Variants in LRRC36 observed in about 807,000 individuals in gnomAD.
The protein encoded by LRRC36 is leucine rich repeat containing 36.
LRRC36 carries 62 observed loss-of-function variants against 81.1 expected under a neutral mutation model. The observed-to-expected ratio is 0.76, with a 90% CI of 0.62 to 0.94. The LOEUF is 0.94. Ranked by LOEUF, LRRC36 falls within the 40% of genes least tolerant of loss-of-function variation. The pLI, the probability that LRRC36 is intolerant of heterozygous loss-of-function variation, is 0.00. For missense variants in LRRC36, 761 were observed against 881.7 expected (o/e 0.86, Z 1.73); for synonymous variants, 334 against 348.6 (o/e 0.96, Z 0.47).
At chr16:67,344,160 T>G (rs1393857284) in intron 2 of LRRC36, among the ~76,000 whole-genome samples, 4 of 152,206 alleles carry the variant, frequency 2.6e-5, no homozygotes, top group Admixed American at 2.6e-4. Flanking sequence ...CTGAATCCCT[T>G]TGTTTAATTT....
At chr16:67,357,588 T>C (rs2038957679) in intron 5 of LRRC36, among the ~76,000 whole-genome samples, 1 of 152,248 alleles carries the variant, frequency 6.6e-6, no homozygotes, top group Non-Finnish European at 1.5e-5. Context: ...TGTCCCTTAC[T>C]AGGCTGAAAT....
intron 1 of LRRC36, 28 bp downstream of exon 1, chr16:67,326,960 T>G: frequency 6.7e-7 from 1 of 1,484,334 alleles, no homozygotes; most frequent in Non-Finnish European, 8.8e-7. Flanking sequence ...GGGTGTGGAC[T>G]GGGAACGTAG....
chr16:67,376,972 T>C lies in LRRC36; in HGVS notation c.1806+100T>C, dbSNP rs532749742. ...TCACCGTGAACACCTAACCAAAATA[T>C]GGCAAAAGTCTGGGCACAGCAGGAA... is the stretch of plus-strand genomic sequence containing the variant. On this transcript the variant is annotated intron_variant, in intron 11 of 13. Transcript: ENST00000329956. 3.4e-5 allele frequency: 45 copies of C among 1,306,498 alleles called. No individual in the cohort carries two copies. In the East Asian group the frequency reaches 1.0e-3, roughly 30 times the overall value. 80.9% of individuals were successfully genotyped at this position (1,306,498 alleles called of 1,614,324 possible). A position where few individuals can be genotyped will look rare whatever the true frequency, so the allele number is the denominator to read the frequency against.
chr16:67,335,074 G>A (rs372787486), intron 1 of LRRC36, among the ~76,000 whole-genome samples: 3 of 152,132 alleles, frequency 2.0e-5, no homozygotes, highest in South Asian at 2.1e-4. Flanking sequence ...TTTCAGGCAC[G>A]CATTGTCATT....
At chr16:67,365,041 G>A (rs2039319644) in intron 6 of LRRC36, 1 of 361,362 alleles carries the variant, frequency 2.8e-6, no homozygotes, top group Non-Finnish European at 5.0e-6. Context: ...TACCTTCTAT[G>A]AGCTATCTAA....
At chr16:67,330,406 C>G (rs187653953) in intron 1 of LRRC36, among the ~76,000 whole-genome samples, 2 of 152,116 alleles carry the variant, frequency 1.3e-5, no homozygotes, top group East Asian at 3.9e-4. Context: ...TTTGCTTATC[C>G]TGAGGTACAG....
intron 1 of LRRC36, among the ~76,000 whole-genome samples, chr16:67,339,491 G>A (rs1238534173): frequency 6.6e-6 from 1 of 152,010 alleles, no homozygotes; most frequent in Non-Finnish European, 1.5e-5. Flanking sequence ...AATTTTAGGG[G>A]TATTATTCTG....
chr16:67,341,738 T>C (rs192454781), intron 1 of LRRC36, among the ~76,000 whole-genome samples: 1 of 152,230 alleles, frequency 6.6e-6, no homozygotes, highest in South Asian at 2.1e-4. Context: ...AGTACATCCT[T>C]CAGGGAAATT....
chr16:67,344,430 A>C (rs548169230), intron 2 of LRRC36, among the ~76,000 whole-genome samples: 2 of 152,180 alleles, frequency 1.3e-5, no homozygotes, highest in South Asian at 4.2e-4. Flanking sequence ...ACAAAACAGA[A>C]ACAAACAAAC....
At chr16:67,365,144 A>T (rs1217485446) in intron 6 of LRRC36, 160 bp from the exon 7 acceptor site, 12 of 581,276 alleles carry the variant, frequency 2.1e-5, no homozygotes, top group Non-Finnish European at 3.7e-5. Context: ...GACTGTTTTA[A>T]AATAGACTTA....
chr16:67,367,352 C>T lies in LRRC36; in HGVS notation c.1090C>T (p.Pro364Ser). Residue 364 changes from proline (P) to serine (S), a missense_variant, in exon 8 of 14, where the codon CCT becomes TCT. By Grantham distance (74) the Pro-to-Ser change is moderately conservative (BLOSUM62 -1). Around this residue, in one of 3 missense-constraint regions of LRRC36, gnomAD observed 139 missense variants for 214.0 expected, o/e 0.65. Transcript: ENST00000329956. ...SKNYQEYSIKPSNDIKTTASH... is the reference protein window; with the variant it reads ...SKNYQEYSIKSSNDIKTTASH... ...GAACTATCAAGAGTATAGCATAAAG[C>T]CTTCAAATGACATAAAGACCACCGC... The T allele has an allele frequency of 1.9e-6, 3 of 1,614,012 alleles. No individual in the cohort carries two copies. The highest frequency in any genetic ancestry group is 1.7e-6 in the Non-Finnish European group (2 of 1,179,952).
chr16:67,350,897 G>T (rs2038597958), intron 5 of LRRC36, among the ~76,000 whole-genome samples: 1 of 152,160 alleles, frequency 6.6e-6, no homozygotes, highest in South Asian at 2.1e-4. Context: ...AATTAGCCGG[G>T]CTTGGTGGCG....
intron 3 of LRRC36, chr16:67,347,257 TG>T (rs2142021743): frequency 1.9e-6 from 1 of 524,950 alleles, no homozygotes; most frequent in East Asian, 4.3e-5. Flanking sequence ...GTCCAAGCTC[TG>T]CTTTCCTGAA....
Position 67,382,174 on chromosome 16 carries a change from G to A in LRRC36, c.1972G>A (p.Ala658Thr). 6.2e-7 allele frequency: 1 copy of A among 1,614,156 alleles called. No homozygotes were observed. Among genetic ancestry groups the A allele is most frequent in the Middle Eastern group, 1.6e-4 (1 of 6,062 alleles). Residue 658 changes from alanine (A) to threonine (T), a missense_variant, in exon 13 of 14, where the codon GCT (alanine) becomes ACT (threonine). By Grantham distance (58) the Ala-to-Thr change is moderately conservative. Coordinates refer to ENST00000329956, the MANE Select transcript of LRRC36 (RefSeq NM_018296.6). Reference protein sequence around the residue: ...HKNQQLTMQVACLNQELAQLK... With the variant: ...HKNQQLTMQVTCLNQELAQLK... ...AAACCAACAGCTGACCATGCAGGTG[G>A]CTTGCCTGAACCAGGAGCTTGCCCA...
At chr16:67,367,878 C>G (rs915808125) in intron 8 of LRRC36, among the ~76,000 whole-genome samples, 1 of 152,108 alleles carries the variant, frequency 6.6e-6, no homozygotes, top group African/African-American at 2.4e-5. Context: ...TGGTGAAACC[C>G]CGTCTCTACC....
chr16:67,334,011 C>G (rs1177270129), intron 1 of LRRC36, among the ~76,000 whole-genome samples: 1 of 151,804 alleles, frequency 6.6e-6, no homozygotes, highest in Non-Finnish European at 1.5e-5. Context: ...ATGTCGTGTC[C>G]ACCATTATTA....
At chr16:67,335,945 T>A (rs543876866) in intron 1 of LRRC36, among the ~76,000 whole-genome samples, 3 of 152,190 alleles carry the variant, frequency 2.0e-5, no homozygotes, top group Non-Finnish European at 2.9e-5. Context: ...TTGGTCAGGC[T>A]GGTCTCAAAC....
chr16:67,331,123 C>G (rs2037471967), intron 1 of LRRC36, among the ~76,000 whole-genome samples: 1 of 136,988 alleles, frequency 7.3e-6, no homozygotes, highest in South Asian at 2.2e-4. Flanking sequence ...GAAGACTGAA[C>G]TAATTCCTTT....
At chr16:67,334,629 G>A (rs534468970) in intron 1 of LRRC36, among the ~76,000 whole-genome samples, 375 of 152,022 alleles carry the variant, frequency 2.5e-3, no homozygotes, top group Non-Finnish European at 4.8e-3. Context: ...CTGGCCAGTC[G>A]TGTCCACCAT....
Sources: allele counts gnomAD v4.1 joint callset (sites outside exome capture counted in the v4.1 genomes callset), GRCh38; gene constraint gnomAD v4.1.1; regional missense constraint gnomAD v4.1.1; transcripts MANE v1.5; gene names NCBI Gene and HGNC (gene_info 2026-07-23, HGNC 2026-07-21).